The following KBTBD2 variants were observed in gnomAD, a reference collection of about 807,000 sequenced individuals.
KBTBD2 encodes the protein kelch repeat and BTB domain containing 2.
KBTBD2 carries 17 observed loss-of-function variants against 57.1 expected under a neutral mutation model. The ratio of observed to expected loss-of-function variants is 0.30; its 90% CI spans 0.20 to 0.45. The LOEUF (loss-of-function observed/expected upper bound fraction) is 0.45. KBTBD2 is among the 20% of genes least tolerant of loss of function. The probability of loss-of-function intolerance (pLI) is 1.00; values close to 1 mark genes in which losing one functional copy is unlikely to be tolerated. For synonymous variants in KBTBD2, 267 were observed against 262.7 expected (o/e 1.02, Z -0.16); for missense variants, 515 against 750.6 (o/e 0.69, Z 3.67).
chr7:32,884,600 G>C (rs1784522699), intron 1 of KBTBD2, among the ~76,000 whole-genome samples: 1 of 151,752 alleles, frequency 6.6e-6, no homozygotes, highest in Admixed American at 6.6e-5. Context: ...TGAGGCAGGA[G>C]AATGGCTTGA....
rs1784118046 is a variant in KBTBD2, at chr7:32,869,590, A to G, written c.1627T>C (p.Leu543=). ...SLCVFMRETH[L]NERAKYVTYQ... ...GTGACGTATTTAGCTCGCTCATTTA[A>G]GTGGGTTTCTCGCATAAACACACAT... is the stretch of plus-strand genomic sequence containing the variant. The change falls in exon 4 of 4, where the codon TTA becomes CTA. Residue 543 remains leucine, a synonymous_variant. Coordinates refer to ENST00000304056, the MANE Select transcript of KBTBD2 (RefSeq NM_015483.3). 6.2e-7 allele frequency: 1 copy of G among 1,614,162 alleles called. No individual in the cohort carries two copies. The highest frequency in any genetic ancestry group is 1.1e-5 in the South Asian group (1 of 91,070).
chr7:32,879,397 T>G, intron 2 of KBTBD2, 38 bp downstream of exon 2: 1 of 1,449,492 alleles, frequency 6.9e-7, no homozygotes, highest in Middle Eastern at 2.3e-4. Context: ...TAAATAACAT[T>G]TCAAAGAATT....
chr7:32,875,098 A>G lies in KBTBD2; in HGVS notation c.230T>C (p.Val77Ala). Residue 77 changes from valine (V) to alanine (A), a missense_variant, in exon 3 of 4, where the codon GTC becomes GCC. Physicochemically the swap from Val to Ala is moderately conservative, Grantham distance 64 (BLOSUM62 0). Transcript: ENST00000304056. ...TATTATCTGTAAGGTGGCAGCATCG[A>G]CATTCCTCAGGTGTACATGGGTTTG... ...SKQTHVHLRNVDAATLQIIIT... is the reference protein window; with the variant it reads ...SKQTHVHLRNADAATLQIIIT... 6.2e-7 allele frequency: 1 copy of G among 1,614,200 alleles called. No individual in the cohort carries two copies. The highest frequency in any genetic ancestry group is 8.5e-7 in the Non-Finnish European group (1 of 1,180,012).
At chr7:32,872,283 C>T (rs112599279) in intron 3 of KBTBD2, among the ~76,000 whole-genome samples, 3,767 of 152,200 alleles carry the variant, frequency 0.025, 72 homozygotes, top group Middle Eastern at 0.037. Flanking sequence ...GCATTTCTCC[C>T]GTTCAAGTTT....
chr7:32,874,938 T>G, intron 3 of KBTBD2, 54 bp downstream of exon 3: 1 of 1,529,344 alleles, frequency 6.5e-7, no homozygotes, highest in Non-Finnish European at 9.0e-7. Context: ...GCCACTGCAC[T>G]CCAGCCTGGG....
intron 2 of KBTBD2, among the ~76,000 whole-genome samples, chr7:32,879,117 A>G (rs1280954903): frequency 6.6e-6 from 1 of 152,148 alleles, no homozygotes; most frequent in Non-Finnish European, 1.5e-5. Flanking sequence ...TGTTTTCTAA[A>G]GGCAGCATTT....
rs138078201 is a variant in KBTBD2, at chr7:32,875,550, G to A, written c.171-393C>T. Among the ~76,000 whole-genome samples, 1,136 of 152,226 alleles carry A rather than the reference G, an allele frequency of 7.5e-3. 18 individuals carry two copies. The highest frequency in any genetic ancestry group is 0.026 in the African/African-American group (1,081 of 41,522). On this transcript the variant is annotated intron_variant, in intron 2 of 3. Transcript: ENST00000304056. ...GCCTCTGAAAGTGCTCGGATTACAG[G>A]CATGAGCCACTGTGCCTAGCCAATG... is the stretch of plus-strand genomic sequence containing the variant.
chr7:32,891,844 C>T (rs6946853), upstream of KBTBD2: 41 of 142,790 alleles, frequency 2.9e-4, no homozygotes, highest in African/African-American at 1.1e-3. Flanking sequence ...GCCCGCGCCG[C>T]CTTGTCAGTC....
chr7:32,875,283 T>G, intron 2 of KBTBD2, 126 bp from the exon 3 acceptor site: 1 of 849,202 alleles, frequency 1.2e-6, no homozygotes, highest in Non-Finnish European at 1.8e-6. Context: ...AAACTTTTTC[T>G]TTTTTTGAGA....
chr7:32,881,253 C>CAA (rs1167420630), intron 1 of KBTBD2, among the ~76,000 whole-genome samples: 1 of 141,718 alleles, frequency 7.1e-6, no homozygotes. Flanking sequence ...TACCATTCAT[C>CAA]AAAAAAAAAA....
chr7:32,877,859 A>G (rs1784350275), intron 2 of KBTBD2, among the ~76,000 whole-genome samples: 1 of 152,152 alleles, frequency 6.6e-6, no homozygotes, highest in Non-Finnish European at 1.5e-5. Flanking sequence ...CTGTAATTCC[A>G]GCACTTTGGG....
In KBTBD2 at chr7:32,869,949, G is replaced by GCA. The variant is rs1784132355; in HGVS notation, c.1266_1267dup (p.Ala423ValfsTer12). 6.2e-7 allele frequency: 1 copy of GCA among 1,613,872 alleles called. No homozygotes were observed. Among genetic ancestry groups the GCA allele is most frequent in the Non-Finnish European group, 8.5e-7 (1 of 1,180,004 alleles). On this transcript the variant is annotated frameshift_variant, in exon 4 of 4. Transcript: ENST00000304056. LOFTEE classifies it high-confidence loss of function. The stretch of plus-strand genomic sequence containing the variant: ...AATGCAGTCATGAACCACAACTGCT[G>GCA]CACTCCATTGCCAAGCACAAGGTAA...
intron 1 of KBTBD2, among the ~76,000 whole-genome samples, chr7:32,881,613 T>C (rs1371013644): frequency 6.6e-6 from 1 of 152,182 alleles, no homozygotes; most frequent in Non-Finnish European, 1.5e-5. Context: ...CTAAAACAGG[T>C]GCAAAGGCAG....
At chr7:32,871,908 G>A (rs1250181388) in intron 3 of KBTBD2, among the ~76,000 whole-genome samples, 5 of 152,024 alleles carry the variant, frequency 3.3e-5, no homozygotes, top group African/African-American at 4.8e-5. Context: ...TACGGTTTTC[G>A]TTAAAATGGC....
chr7:32,886,319 C>T (rs536728523), intron 1 of KBTBD2, among the ~76,000 whole-genome samples: 10 of 152,262 alleles, frequency 6.6e-5, no homozygotes, highest in South Asian at 4.1e-4. Flanking sequence ...AAAACAAATG[C>T]TTCTAATACA....
intron 1 of KBTBD2, among the ~76,000 whole-genome samples, chr7:32,890,646 C>T (rs1204447460): frequency 6.6e-6 from 1 of 152,172 alleles, no homozygotes; most frequent in East Asian, 1.9e-4. Context: ...CAACACGTGA[C>T]CAGTCCTGTT....
At chr7:32,882,326 T>G (rs923868677) in intron 1 of KBTBD2, among the ~76,000 whole-genome samples, 2 of 152,218 alleles carry the variant, frequency 1.3e-5, no homozygotes, top group Non-Finnish European at 2.9e-5. Flanking sequence ...ATCATGCCGC[T>G]AGACCCCAGA....
intron 2 of KBTBD2, among the ~76,000 whole-genome samples, chr7:32,876,854 G>A (rs1182421752): frequency 6.6e-6 from 1 of 152,024 alleles, no homozygotes; most frequent in Non-Finnish European, 1.5e-5. Flanking sequence ...CTACTCAGGA[G>A]GCTGAGGCAG....
At chr7:32,882,284 G>A (rs950247984) in intron 1 of KBTBD2, among the ~76,000 whole-genome samples, 1 of 152,194 alleles carries the variant, frequency 6.6e-6, no homozygotes, top group Admixed American at 6.5e-5. Flanking sequence ...CAAGGTGACA[G>A]CAACTGGTGG....
Sources: allele counts gnomAD v4.1 joint callset (sites outside exome capture counted in the v4.1 genomes callset), GRCh38; gene constraint gnomAD v4.1.1; transcripts MANE v1.5; gene names NCBI Gene and HGNC (gene_info 2026-07-23, HGNC 2026-07-21).